Variants in XRCC4 observed in about 807,000 individuals in gnomAD.
XRCC4 encodes the protein DNA repair protein XRCC4.
XRCC4 carries 28 observed loss-of-function variants against 39.1 expected under a neutral mutation model. The observed-to-expected ratio is 0.72, with a 90% confidence interval of 0.53 to 0.98. The LOEUF (loss-of-function observed/expected upper bound fraction) is 0.98. Ranked by LOEUF, XRCC4 falls within the 50% of genes least tolerant of loss-of-function variation. XRCC4 has a pLI of 0.00. For missense variants in XRCC4, 350 were observed against 376.4 expected (o/e 0.93, Z 0.58); for synonymous variants, 123 against 126.4 (o/e 0.97, Z 0.18).
chr5:83,289,398 G>A (rs1393986013), intron 7 of XRCC4, among the ~76,000 whole-genome samples: 1 of 151,886 alleles, frequency 6.6e-6, no homozygotes, highest in Non-Finnish European at 1.5e-5. Flanking sequence ...TTAGTGTGAA[G>A]ATGTTCATTT....
intron 3 of XRCC4, among the ~76,000 whole-genome samples, chr5:83,135,963 C>A (rs936425771): frequency 6.6e-6 from 1 of 152,012 alleles, no homozygotes; most frequent in African/African-American, 2.4e-5. Flanking sequence ...CATTGTGAAT[C>A]TTTTTATTTG....
chr5:83,095,839 C>T (rs1463745122), intron 1 of XRCC4, among the ~76,000 whole-genome samples: 7 of 152,022 alleles, frequency 4.6e-5, no homozygotes, highest in African/African-American at 1.2e-4. Flanking sequence ...CAAGCCTATT[C>T]CGGTATTATT....
chr5:83,318,257 G>T (rs1755946259), intron 7 of XRCC4, among the ~76,000 whole-genome samples: 1 of 126,600 alleles, frequency 7.9e-6, no homozygotes, highest in East Asian at 3.4e-4. Context: ...CATACTGGAT[G>T]GGCAAAAACT....
the XRCC4 span, among the ~76,000 whole-genome samples, chr5:83,367,217 A>T: frequency 6.6e-6 from 1 of 152,202 alleles, no homozygotes; most frequent in African/African-American, 2.4e-5. Flanking sequence ...TTCTAGTACA[A>T]CAAACCCTTT....
chr5:83,264,464 G>T (rs2112913409), intron 7 of XRCC4, among the ~76,000 whole-genome samples: 1 of 151,914 alleles, frequency 6.6e-6, no homozygotes, highest in South Asian at 2.1e-4. Context: ...ACAGTGAGGG[G>T]GTCAGAGTCT....
At chr5:83,195,244 A>G (rs1750890177) in intron 3 of XRCC4, among the ~76,000 whole-genome samples, 1 of 152,132 alleles carries the variant, frequency 6.6e-6, no homozygotes, top group Admixed American at 6.5e-5. Flanking sequence ...ATTATTGGCA[A>G]TTTATGGTAA....
At chr5:83,327,108 G>A (rs1299599411) in intron 7 of XRCC4, among the ~76,000 whole-genome samples, 1 of 151,966 alleles carries the variant, frequency 6.6e-6, no homozygotes, top group Admixed American at 6.6e-5. Context: ...TGCTTCTTAG[G>A]TGTATAGTTC....
At chr5:83,256,510 C>A (rs1753542432) in intron 6 of XRCC4, among the ~76,000 whole-genome samples, 1 of 151,994 alleles carries the variant, frequency 6.6e-6, no homozygotes. Flanking sequence ...GTTTACAAAT[C>A]TATAACTGAA....
At chr5:83,305,743 C>T (rs934936784) in intron 7 of XRCC4, among the ~76,000 whole-genome samples, 2 of 152,118 alleles carry the variant, frequency 1.3e-5, no homozygotes, top group Non-Finnish European at 2.9e-5. Flanking sequence ...TGACCCAGCT[C>T]CATGGTAACT....
At chr5:83,211,066 A>G (rs1013509135) in intron 6 of XRCC4, among the ~76,000 whole-genome samples, 14 of 152,344 alleles carry the variant, frequency 9.2e-5, no homozygotes, top group Non-Finnish European at 1.8e-4. Context: ...CAAATCAACT[A>G]TGAATCTAAA....
At chr5:83,145,955 G>A (rs1179074625) in intron 3 of XRCC4, among the ~76,000 whole-genome samples, 2 of 151,626 alleles carry the variant, frequency 1.3e-5, no homozygotes, top group African/African-American at 4.9e-5. Context: ...ACTAAAAGCA[G>A]AGCTCTATAC....
chr5:83,085,196 T>C (rs1157308884), intron 1 of XRCC4, among the ~76,000 whole-genome samples: 1 of 152,188 alleles, frequency 6.6e-6, no homozygotes, highest in African/African-American at 2.4e-5. Flanking sequence ...AGGAACTTGC[T>C]CATTTGAAAC....
At chr5:83,322,139 T>C (rs1010388952) in intron 7 of XRCC4, among the ~76,000 whole-genome samples, 5 of 151,980 alleles carry the variant, frequency 3.3e-5, no homozygotes, top group Non-Finnish European at 4.4e-5. Flanking sequence ...AATTGTGTTA[T>C]CTGAAGAATT....
chr5:83,324,406 T>C (rs1023862815), intron 7 of XRCC4, among the ~76,000 whole-genome samples: 3 of 152,158 alleles, frequency 2.0e-5, no homozygotes, highest in Non-Finnish European at 4.4e-5. Context: ...AATTCCTGTT[T>C]GTTTTTATCA....
At chr5:83,280,967 C>T (rs978393887) in intron 7 of XRCC4, among the ~76,000 whole-genome samples, 6 of 152,116 alleles carry the variant, frequency 3.9e-5, no homozygotes, top group African/African-American at 9.7e-5. Flanking sequence ...GGTTTACCTA[C>T]GCTACATGAT....
intron 3 of XRCC4, among the ~76,000 whole-genome samples, chr5:83,164,571 CT>C (rs1432146894): frequency 2.0e-5 from 3 of 152,032 alleles, no homozygotes; most frequent in African/African-American, 7.2e-5. Context: ...TAAGAGAGAT[CT>C]TAAATGTTCT....
chr5:83,105,451 T>C (rs991631924), intron 2 of XRCC4, among the ~76,000 whole-genome samples: 1 of 152,108 alleles, frequency 6.6e-6, no homozygotes, highest in African/African-American at 2.4e-5. Context: ...GGGGTAGTGG[T>C]GGGTTATTTA....
At chr5:83,148,031 G>A (rs996995696) in intron 3 of XRCC4, among the ~76,000 whole-genome samples, 7 of 151,846 alleles carry the variant, frequency 4.6e-5, no homozygotes, top group East Asian at 1.9e-4. Flanking sequence ...CAGGTGATTC[G>A]CCCTCCTCGG....
chr5:83,105,353 A>G (rs929662780), intron 2 of XRCC4, among the ~76,000 whole-genome samples: 2 of 152,232 alleles, frequency 1.3e-5, no homozygotes, highest in African/African-American at 2.4e-5. Context: ...TTCTAAATAC[A>G]TCTTTTCTCA....
Sources: gnomAD v4.1 joint callset for allele counts (sites outside exome capture counted in the v4.1 genomes callset) on GRCh38, gnomAD v4.1.1 for gene constraint, MANE v1.5 for transcripts, NCBI Gene and HGNC (gene_info 2026-07-23, HGNC 2026-07-21) for gene names.